Variants in DMD observed in about 807,000 individuals in gnomAD.
DMD encodes the protein dystrophin.
DMD carries 63 observed loss-of-function variants against 330.1 expected under a neutral mutation model. That is an observed-to-expected ratio of 0.19 (90% CI 0.16 to 0.24). The LOEUF (loss-of-function observed/expected upper bound fraction) is 0.24. Among genes scored for constraint, DMD ranks in the 10% least tolerant of loss-of-function variants. DMD has a pLI of 1.00. For missense variants in DMD, 3,344 were observed against 2,684.1 expected (o/e 1.25, Z -5.43); for synonymous variants, 1,223 against 959.8 (o/e 1.27, Z -5.07).
rs1184790741 is a variant in DMD, at chrX:31,456,868, GTGTGTGTGTATA to G, written c.8938-12253_8938-12242del. The stretch of plus-strand genomic sequence containing the variant: ...TGTGTGTGTGTGTGTGTGTGTGTGT[GTGTGTGTGTATA>G]TATATATATATTATATACCTATCAT... On this transcript the variant is annotated intron_variant, in intron 59 of 78. Coordinates refer to ENST00000357033, the MANE Select transcript of DMD (RefSeq NM_004006.3). Among the ~76,000 whole-genome samples, 391 of 102,478 alleles carry G rather than the reference GTGTGTGTGTATA, an allele frequency of 3.8e-3. 4 individuals carry two copies. The highest frequency in any genetic ancestry group is 0.013 in the African/African-American group (350 of 27,731). 89.0% of individuals were successfully genotyped at this position (102,478 alleles called of 115,157 possible). A position where few individuals can be genotyped will look rare whatever the true frequency, so the allele number is the denominator to read the frequency against.
At chrX:31,249,788 G>A (rs971115483) in intron 63 of DMD, among the ~76,000 whole-genome samples, 1 of 110,272 alleles carries the variant, frequency 9.1e-6, no homozygotes, top group African/African-American at 3.3e-5. Flanking sequence ...GAACCCAATA[G>A]ATTATTAAAT....
intron 30 of DMD, among the ~76,000 whole-genome samples, chrX:32,394,025 G>T (rs1421422297): frequency 8.9e-6 from 1 of 111,835 alleles, no homozygotes; most frequent in Admixed American, 9.5e-5. Context: ...AATTACTTTT[G>T]CAGACTTTTG....
At chrX:32,698,587 A>G (rs943931424) in intron 8 of DMD, among the ~76,000 whole-genome samples, 3 of 112,153 alleles carry the variant, frequency 2.7e-5, no homozygotes, top group Admixed American at 9.5e-5. Context: ...ATTCTATACA[A>G]TTATGTAACG....
intron 2 of DMD, among the ~76,000 whole-genome samples, chrX:33,003,686 T>C (rs1171981677): frequency 9.1e-6 from 1 of 110,339 alleles, no homozygotes; most frequent in Non-Finnish European, 1.9e-5. Context: ...TATGCTGAAA[T>C]GTCTTATATA....
At chrX:32,150,212 G>T (rs1031798516) in intron 44 of DMD, among the ~76,000 whole-genome samples, 4 of 112,139 alleles carry the variant, frequency 3.6e-5, no homozygotes, top group African/African-American at 1.3e-4. Context: ...TCTTCATTCA[G>T]GAATAAAAAT....
intron 1 of DMD, among the ~76,000 whole-genome samples, chrX:33,097,426 T>C (rs569801951): frequency 1.8e-5 from 2 of 110,293 alleles, no homozygotes; most frequent in South Asian, 7.7e-4. Context: ...TCCTCCCTAA[T>C]ACCAGTGAAA....
chrX:33,002,854 A>G (rs1221982505), intron 2 of DMD, among the ~76,000 whole-genome samples: 1,006 of 35,764 alleles, frequency 0.028, 18 homozygotes, highest in African/African-American at 0.099. Context: ...TTTCTCGAAA[A>G]AAAAAAAAAA....
chrX:32,161,919 G>A (rs995111245), intron 44 of DMD, among the ~76,000 whole-genome samples: 1 of 111,919 alleles, frequency 8.9e-6, no homozygotes, highest in Non-Finnish European at 1.9e-5. Flanking sequence ...GCTAAGTTCG[G>A]TGAAATAACT....
chrX:32,600,826 A>G (rs998524637), intron 12 of DMD, among the ~76,000 whole-genome samples: 3 of 111,580 alleles, frequency 2.7e-5, no homozygotes, highest in African/African-American at 9.8e-5. Context: ...TTTGCAAAGG[A>G]CATTAAGAAT....
chrX:32,588,771 G>A (rs762843780), intron 13 of DMD, among the ~76,000 whole-genome samples: 1 of 111,852 alleles, frequency 8.9e-6, no homozygotes, highest in Admixed American at 9.5e-5. Context: ...ACAAGATAAG[G>A]TTGAGAAATA....
chrX:32,457,945 T>C (rs1284531692), intron 25 of DMD, among the ~76,000 whole-genome samples: 10 of 111,271 alleles, frequency 9.0e-5, no homozygotes, highest in African/African-American at 3.3e-4. Flanking sequence ...ACATGTTTTA[T>C]AATTCTATAT....
In DMD at chrX:31,555,598, G is replaced by A. The variant is rs188525197; in HGVS notation, c.8218-48145C>T. On this transcript the variant is annotated intron_variant, in intron 55 of 78. Transcript: ENST00000357033. ...TGAGAATTACATGGCTAGTCATCAGGCTATTTTGGCAAGTTACAGCTGTGG... is the reference window on the plus strand; with the variant it reads ...TGAGAATTACATGGCTAGTCATCAGACTATTTTGGCAAGTTACAGCTGTGG... 2.4e-3 allele frequency among the ~76,000 whole-genome samples: 269 copies of A among 111,574 alleles called. 1 individual carries two copies. The highest frequency in any genetic ancestry group is 2.7e-3 in the Non-Finnish European group (141 of 53,102).
intron 51 of DMD, among the ~76,000 whole-genome samples, chrX:31,759,708 A>T (rs2089422570): frequency 8.9e-6 from 1 of 111,844 alleles, no homozygotes; most frequent in South Asian, 3.7e-4. Flanking sequence ...TATTTTTATA[A>T]ATAAAATGAT....
At chrX:31,478,438 T>A (rs1010218355) in intron 58 of DMD, 64 bp from the exon 59 acceptor site, 1 of 1,186,842 alleles carries the variant, frequency 8.4e-7, no homozygotes, top group Non-Finnish European at 1.1e-6. Context: ...GTCAAAAAGG[T>A]CATACTGGAA....
At chrX:32,853,358 TA>T (rs1042487546) in intron 2 of DMD, among the ~76,000 whole-genome samples, 1 of 111,359 alleles carries the variant, frequency 9.0e-6, no homozygotes, top group African/African-American at 3.3e-5. Flanking sequence ...ATAAGAAGAG[TA>T]AAAAAAGGAA....
At chrX:33,337,094 T>C (rs142495793) in intron 1 of DMD, among the ~76,000 whole-genome samples, 1,693 of 111,468 alleles carry the variant, frequency 0.015, 21 homozygotes, top group Middle Eastern at 0.065. Flanking sequence ...AAACACAGTT[T>C]GGGGATTCCA....
intron 1 of DMD, among the ~76,000 whole-genome samples, chrX:33,095,391 C>T (rs1569554247): frequency 1.8e-5 from 2 of 112,174 alleles, no homozygotes; most frequent in African/African-American, 3.2e-5. Context: ...ATGTACAATT[C>T]ACTCAACATA....
intron 1 of DMD, among the ~76,000 whole-genome samples, chrX:33,275,231 A>T (rs745721926): frequency 6.6e-4 from 74 of 112,297 alleles, no homozygotes; most frequent in African/African-American, 2.3e-3. Context: ...AAAAGAATAC[A>T]TGCTTCTACA....
chrX:33,260,427 G>A (rs1198990572), intron 1 of DMD, among the ~76,000 whole-genome samples: 1 of 111,319 alleles, frequency 9.0e-6, no homozygotes, highest in Non-Finnish European at 1.9e-5. Context: ...ATAGACAACA[G>A]CACTGCCCTA....
Sources: gnomAD v4.1 joint callset for allele counts (sites outside exome capture counted in the v4.1 genomes callset) on GRCh38, gnomAD v4.1.1 for gene constraint, MANE v1.5 for transcripts, NCBI Gene and HGNC (gene_info 2026-07-23, HGNC 2026-07-21) for gene names.